The following GPBP1 variants were observed in gnomAD, a reference collection of about 807,000 sequenced individuals.
GPBP1 encodes the protein vasculin.
A neutral mutation model predicts 56.5 loss-of-function variants in GPBP1; 13 were observed. The observed-to-expected ratio is 0.23, with a 90% CI of 0.15 to 0.37. The LOEUF (loss-of-function observed/expected upper bound fraction) is 0.37. Ranked by LOEUF, GPBP1 falls within the 10% of genes least tolerant of loss-of-function variation. The pLI is 1.00. For missense variants in GPBP1, 477 were observed against 572.3 expected, an observed-to-expected ratio of 0.83 and a Z score of 1.70; for synonymous variants, 204 against 188.9, an observed-to-expected ratio of 1.08 and a Z score of -0.66.
intron 8 of GPBP1, among the ~76,000 whole-genome samples, chr5:57,248,499 C>T (rs968392585): frequency 1.4e-5 from 2 of 144,888 alleles, no homozygotes; most frequent in African/African-American, 5.1e-5. Context: ...GGGATCTCGG[C>T]TCACTGCAAG....
intron 2 of GPBP1, among the ~76,000 whole-genome samples, chr5:57,182,575 G>A (rs189505386): frequency 6.6e-6 from 1 of 151,748 alleles, no homozygotes; most frequent in African/African-American, 2.4e-5. Flanking sequence ...GTTTCACCAT[G>A]TTGGCCAGGC....
chr5:57,182,460 A>G (rs749766914), intron 2 of GPBP1, among the ~76,000 whole-genome samples: 1 of 147,468 alleles, frequency 6.8e-6, no homozygotes, highest in Non-Finnish European at 1.5e-5. Context: ...GCAACCTCCA[A>G]CTCCCGGGTT....
rs1173136650 is a variant in GPBP1 at position 57,207,559 on chromosome 5, C to T, written c.-57-6515C>T. ...GTTACAGGGTGCCCTTTTAGTCTAG[C>T]CATCCATAGGCGGCTTGTGTTAGCT... On this transcript the variant is annotated intron_variant, in intron 2 of 11. Coordinates refer to ENST00000506184, the MANE Select transcript of GPBP1 (RefSeq NM_022913.4). Among the ~76,000 whole-genome samples, 4 of 152,184 alleles carry T rather than the reference C, an allele frequency of 2.6e-5. No homozygotes were observed. The South Asian group carries it at 6.2e-4, about 24-fold the overall frequency.
At chr5:57,181,434 C>CA (rs11417693) in intron 2 of GPBP1, among the ~76,000 whole-genome samples, 53,217 of 131,712 alleles carry the variant, frequency 0.4, 9,978 homozygotes, top group Middle Eastern at 0.47. Flanking sequence ...AAGACTGTGT[C>CA]AAAAAAAAAA....
intron 3 of GPBP1, among the ~76,000 whole-genome samples, chr5:57,228,341 G>C (rs577949046): frequency 6.6e-6 from 1 of 152,116 alleles, no homozygotes; most frequent in Admixed American, 6.6e-5. Flanking sequence ...TGTAGTCCCA[G>C]CTACTTGGGA....
At chr5:57,204,850 A>ATAACCTGTTTCCTAAATTTACATACATT (rs1755163512) in intron 2 of GPBP1, among the ~76,000 whole-genome samples, 1 of 152,190 alleles carries the variant, frequency 6.6e-6, no homozygotes, top group Non-Finnish European at 1.5e-5. Flanking sequence ...AAATTATAGA[A>ATAACCTGTTTCCTAAATTTACATACATT]TAACCTGTTT....
rs1755834812 is a variant in GPBP1, at chr5:57,219,390, AAAAAAAAAAAAAAC to A, written c.63+5198_63+5211del. Among the ~76,000 whole-genome samples, 3 of 57,206 alleles carry A rather than the reference AAAAAAAAAAAAAAC, an allele frequency of 5.2e-5. 1 individual carries two copies. The highest frequency in any genetic ancestry group is 3.7e-4 in the Admixed American group (2 of 5,428). The allele number at this position is 57,206 out of a possible 152,430, so 37.5% of individuals were successfully genotyped here. On this transcript the variant is annotated intron_variant, in intron 3 of 11. Coordinates refer to ENST00000506184, the MANE Select transcript of GPBP1 (RefSeq NM_022913.4). ...GACTCTGTCTCAAAAAAAAAAAAAAAAAAAAAAAAAAAACCAAAAACAAACAAACAAAAAAAAAA... is the reference window on the plus strand; with the variant it reads ...GACTCTGTCTCAAAAAAAAAAAAAAACAAAAACAAACAAACAAAAAAAAAA...
At chr5:57,190,302 C>G (rs1486989870) in intron 2 of GPBP1, among the ~76,000 whole-genome samples, 2 of 151,888 alleles carry the variant, frequency 1.3e-5, no homozygotes, top group African/African-American at 4.8e-5. Context: ...GCTGTTTTAT[C>G]AGCTGGGCGT....
chr5:57,181,169 A>G (rs1019874783), intron 2 of GPBP1, among the ~76,000 whole-genome samples: 2 of 152,176 alleles, frequency 1.3e-5, no homozygotes, highest in Non-Finnish European at 2.9e-5. Flanking sequence ...CTGTCTCTCT[A>G]CAAAACATAA....
chr5:57,228,190 C>T (rs943632368), intron 3 of GPBP1, among the ~76,000 whole-genome samples: 1 of 152,216 alleles, frequency 6.6e-6, no homozygotes, highest in African/African-American at 2.4e-5. Context: ...GGCGTGGTGG[C>T]TTACACGTGT....
intron 3 of GPBP1, among the ~76,000 whole-genome samples, chr5:57,218,984 C>T (rs964008222): frequency 2.0e-5 from 3 of 152,098 alleles, no homozygotes; most frequent in Non-Finnish European, 2.9e-5. Context: ...TTAGTGTGAG[C>T]CTAGATTAGA....
At chr5:57,236,354 TTTAAA>T (rs1328238448) in intron 6 of GPBP1, among the ~76,000 whole-genome samples, 1 of 152,152 alleles carries the variant, frequency 6.6e-6, no homozygotes, top group East Asian at 1.9e-4. Flanking sequence ...ACAAACTGAG[TTTAAA>T]TTAATTTTTA....
chr5:57,197,155 C>T (rs1448014513), intron 2 of GPBP1, among the ~76,000 whole-genome samples: 2 of 152,088 alleles, frequency 1.3e-5, no homozygotes, highest in African/African-American at 4.8e-5. Flanking sequence ...CTCAAGTGAT[C>T]CTCCTGCCTG....
chr5:57,211,473 C>T (rs1209797660), intron 2 of GPBP1, among the ~76,000 whole-genome samples: 1 of 152,154 alleles, frequency 6.6e-6, no homozygotes, highest in African/African-American at 2.4e-5. Context: ...CAGGTGTGAG[C>T]CTCCACACCA....
rs556973437 is a variant in GPBP1 at position 57,214,098 on chromosome 5, CT to C, written c.-31del. 177 of 1,601,070 alleles carry C rather than the reference CT, an allele frequency of 1.1e-4. 1 individual carries two copies. The East Asian group carries it at 4.0e-3, about 36-fold the overall frequency. On this transcript the variant is annotated 5_prime_UTR_variant, in exon 3 of 12. Transcript: ENST00000506184. Reference sequence around the variant, plus strand: ...GGGACTTGCCATGAGGTGTTGAAGCCTTGTTTCACTGAGTTGGAGAGACTGG... The same window carrying C: ...GGGACTTGCCATGAGGTGTTGAAGCCTGTTTCACTGAGTTGGAGAGACTGG...
At chr5:57,238,656 A>G (rs1740659556) in intron 6 of GPBP1, among the ~76,000 whole-genome samples, 1 of 152,228 alleles carries the variant, frequency 6.6e-6, no homozygotes, top group South Asian at 2.1e-4. Flanking sequence ...CCATGTCAGC[A>G]ACATACTATT....
At chr5:57,204,784 C>T (rs1452385674) in intron 2 of GPBP1, among the ~76,000 whole-genome samples, 1 of 152,092 alleles carries the variant, frequency 6.6e-6, no homozygotes, top group Admixed American at 6.6e-5. Context: ...GGTGCATTTG[C>T]CAGGCTATTT....
Position 57,191,558 on chromosome 5 carries a change from G to GT in GPBP1, c.-58+15172dup, listed in dbSNP as rs60401326. Among the ~76,000 whole-genome samples, 267 of 145,048 alleles carry GT rather than the reference G, an allele frequency of 1.8e-3. 2 individuals are homozygous for GT. The highest frequency in any genetic ancestry group is 7.0e-3 in the Middle Eastern group (2 of 284). On this transcript the variant is annotated intron_variant, in intron 2 of 11. Transcript: ENST00000506184. ...AGAAACAAAATACATTTATCTTTAG[G>GT]TTTTTTTTTTTTTTGTTTGTTTGAG... is the stretch of plus-strand genomic sequence containing the variant.
At chr5:57,178,999 C>T (rs1046141669) in intron 2 of GPBP1, among the ~76,000 whole-genome samples, 10 of 152,068 alleles carry the variant, frequency 6.6e-5, no homozygotes, top group African/African-American at 1.7e-4. Flanking sequence ...GAGGAAAGTA[C>T]TATTATAGTC....
Sources: gnomAD v4.1 joint callset for allele counts (sites outside exome capture counted in the v4.1 genomes callset) on GRCh38, gnomAD v4.1.1 for gene constraint, MANE v1.5 for transcripts, NCBI Gene and HGNC (gene_info 2026-07-23, HGNC 2026-07-21) for gene names.